Variants in ADGRE3 observed in about 807,000 individuals in gnomAD.
The protein encoded by ADGRE3 is EGF-like module receptor 3.
Under a neutral mutation model 80.1 loss-of-function variants are expected in ADGRE3, and 88 were observed. The ratio of observed to expected loss-of-function variants is 1.10; its 90% confidence interval spans 0.93 to 1.31. The LOEUF is 1.31. Among genes scored for constraint, ADGRE3 ranks in the 40% most tolerant of loss-of-function variants. The probability of loss-of-function intolerance (pLI) is 0.00; values close to 1 mark genes in which losing one functional copy is unlikely to be tolerated. For synonymous variants in ADGRE3, 281 were observed against 294.8 expected (o/e 0.95, Z 0.48); for missense variants, 715 against 776.5 (o/e 0.92, Z 0.94).
the ADGRE3 span, among the ~76,000 whole-genome samples, chr19:14,603,879 C>G: frequency 2.6e-5 from 4 of 152,256 alleles, no homozygotes; most frequent in Non-Finnish European, 5.9e-5. Flanking sequence ...ATATGAGTTC[C>G]CTCTTCTTAA....
At chr19:14,650,671 CTCTCTCTCTCTCCCCTCTT>C (rs1971579211) in intron 7 of ADGRE3, among the ~76,000 whole-genome samples, 1 of 110,720 alleles carries the variant, frequency 9.0e-6, no homozygotes. Context: ...CTCTCTCTCT[CTCTCTCTCTCTCCCCTCTT>C]CCCACACCCC....
chr19:14,627,279 A>G (rs1487559162), intron 14 of ADGRE3, among the ~76,000 whole-genome samples: 1 of 152,234 alleles, frequency 6.6e-6, no homozygotes, highest in African/African-American at 2.4e-5. Flanking sequence ...CTGATATGCC[A>G]TAAACACCCA....
At chr19:14,626,370 G>A (rs1248793525) in intron 14 of ADGRE3, among the ~76,000 whole-genome samples, 1 of 152,136 alleles carries the variant, frequency 6.6e-6, no homozygotes, top group Non-Finnish European at 1.5e-5. Context: ...CTGGGAGGCA[G>A]AGGTTGCAGT....
the ADGRE3 span, among the ~76,000 whole-genome samples, chr19:14,606,388 A>C: frequency 6.6e-6 from 1 of 151,608 alleles, no homozygotes; most frequent in Non-Finnish European, 1.5e-5. Context: ...AAAAAAAAAA[A>C]AAAAATTAGG....
At chr19:14,669,225 G>A (rs966806878) in intron 1 of ADGRE3, among the ~76,000 whole-genome samples, 2 of 152,190 alleles carry the variant, frequency 1.3e-5, no homozygotes, top group Non-Finnish European at 2.9e-5. Flanking sequence ...GGAATACTAT[G>A]CAGCCATAAG....
intron 2 of ADGRE3, among the ~76,000 whole-genome samples, chr19:14,664,647 T>C (rs1972042751): frequency 6.6e-6 from 1 of 152,142 alleles, no homozygotes; most frequent in Non-Finnish European, 1.5e-5. Context: ...AGTTTGAGGC[T>C]GCAGTGAGTC....
chr19:14,641,481 A>G lies in ADGRE3; in HGVS notation c.1186T>C (p.Ser396Pro), dbSNP rs757125481. The G allele has an allele frequency of 6.2e-6, 10 of 1,613,738 alleles. No individual in the cohort carries two copies. The Admixed American group carries it at 1.7e-4, about 27-fold the overall frequency. The change falls in exon 10 of 16, where the codon TCG (serine) becomes CCG (proline). Residue 396 changes from serine (S) to proline (P), a missense_variant. By Grantham distance (74) the Ser-to-Pro change is moderately conservative. Transcript: ENST00000253673. ...AGGTGGGCCAGGAAGAGGCAGAGCG[A>G]GAGCTGCAGATGCAGTGAGGTGCTG... ...NTSTSLHLQL[S>P]LCLFLAHLLF...
chr19:14,657,547 C>T (rs1233548435), intron 5 of ADGRE3, among the ~76,000 whole-genome samples: 4 of 131,290 alleles, frequency 3.0e-5, no homozygotes, highest in Non-Finnish European at 6.5e-5. Flanking sequence ...TCTATCTATA[C>T]CTATATCTAT....
chr19:14,632,806 T>C (rs1970922983), intron 13 of ADGRE3, 115 bp downstream of exon 13: 2 of 645,452 alleles, frequency 3.1e-6, no homozygotes, highest in Non-Finnish European at 5.6e-6. Flanking sequence ...TGGTGGAAGA[T>C]TACAGTGGTC....
rs775831876 is a variant in ADGRE3, at chr19:14,638,357, G to C, written c.1249-17C>G. The C allele has an allele frequency of 1.2e-6, 2 of 1,604,116 alleles. No individual in the cohort carries two copies. Among genetic ancestry groups the C allele is most frequent in the Admixed American group, 3.3e-5 (2 of 59,890 alleles). On this transcript the variant is annotated splice_polypyrimidine_tract_variant and intron_variant, in intron 10 of 15. Transcript: ENST00000253673. ...GCACAGCACCTGGGGGAGGAGAAAG[G>C]GATGCCTGAAGGGGTTGTCAGGGTG...
At chr19:14,625,880 T>C (rs181827838) in intron 14 of ADGRE3, among the ~76,000 whole-genome samples, 27 of 152,136 alleles carry the variant, frequency 1.8e-4, no homozygotes, top group African/African-American at 6.0e-4. Context: ...GTACCTAAAG[T>C]AGTCAAATCC....
chr19:14,605,252 C>T, the ADGRE3 span, among the ~76,000 whole-genome samples: 10 of 152,100 alleles, frequency 6.6e-5, no homozygotes, highest in African/African-American at 1.2e-4. Context: ...CATGACACCA[C>T]GCCTGGCTAA....
chr19:14,645,681 A>G (rs1426152272), intron 8 of ADGRE3, among the ~76,000 whole-genome samples: 1 of 151,998 alleles, frequency 6.6e-6, no homozygotes, highest in East Asian at 1.9e-4. Flanking sequence ...AAAAGAAAAT[A>G]GAAAAACAGG....
chr19:14,615,466 A>C (rs1202474746), downstream of ADGRE3, among the ~76,000 whole-genome samples: 1 of 151,844 alleles, frequency 6.6e-6, no homozygotes, highest in Non-Finnish European at 1.5e-5. Context: ...TTTTTTAGAG[A>C]GACAGCATCT....
downstream of ADGRE3, among the ~76,000 whole-genome samples, chr19:14,617,394 C>CTTTCTTTCTTTCTTTCTTTCTTTCT (rs1599594082): frequency 1.9e-5 from 2 of 103,620 alleles, no homozygotes; most frequent in East Asian, 6.8e-4. Flanking sequence ...TTCTTTCTTT[C>CTTTCTTTCTTTCTTTCTTTCTTTCT]TTTCTTTTCT....
downstream of ADGRE3, among the ~76,000 whole-genome samples, chr19:14,617,254 T>TTC (rs1568469344): frequency 1.7e-4 from 26 of 151,632 alleles, 1 homozygote; most frequent in African/African-American, 6.3e-4. Flanking sequence ...CTTTTTTCTT[T>TTC]CTTCCTTCCT....
At chr19:14,617,507 C>T (rs2075089543), downstream of ADGRE3, among the ~76,000 whole-genome samples, 1 of 151,532 alleles carries the variant, frequency 6.6e-6, no homozygotes, top group Non-Finnish European at 1.5e-5. Flanking sequence ...AAGTGATTCT[C>T]CTGCCTCAGC....
intron 3 of ADGRE3, among the ~76,000 whole-genome samples, chr19:14,663,123 C>T (rs1381710876): frequency 1.3e-5 from 2 of 151,974 alleles, no homozygotes; most frequent in East Asian, 3.9e-4. Context: ...ATGCCTCAGC[C>T]TCTTGAGTAG....
intron 1 of ADGRE3, among the ~76,000 whole-genome samples, chr19:14,674,508 C>T (rs574123502): frequency 4.0e-4 from 60 of 151,790 alleles, no homozygotes; most frequent in African/African-American, 1.4e-3. Context: ...AAAAACAAAA[C>T]AAAACAAACA....
Sources: allele counts gnomAD v4.1 joint callset (sites outside exome capture counted in the v4.1 genomes callset), GRCh38; gene constraint gnomAD v4.1.1; transcripts MANE v1.5; gene names NCBI Gene and HGNC (gene_info 2026-07-23, HGNC 2026-07-21).